Variants in HDDC2 observed in about 807,000 individuals in gnomAD.
HDDC2 encodes 5'-deoxynucleotidase HDDC2.
HDDC2 carries 25 observed loss-of-function variants against 25.5 expected under a neutral mutation model. The ratio of observed to expected loss-of-function variants is 0.98; its 90% CI spans 0.72 to 1.37. The LOEUF (loss-of-function observed/expected upper bound fraction) is 1.37. Among genes scored for constraint, HDDC2 ranks in the 40% most tolerant of loss-of-function variants. The pLI is 0.00. For missense variants in HDDC2, 264 were observed against 253.1 expected (o/e 1.04, Z -0.29); for synonymous variants, 106 against 89.7 (o/e 1.18, Z -1.03).
chr6:125,286,687 T>A (rs1400672476), intron 4 of HDDC2, among the ~76,000 whole-genome samples: 1 of 152,148 alleles, frequency 6.6e-6, no homozygotes, highest in Non-Finnish European at 1.5e-5. Flanking sequence ...CATTTTCTAT[T>A]TTAAAATAAA....
intron 3 of HDDC2, chr6:125,293,215 AG>A: frequency 2.3e-6 from 1 of 436,496 alleles, no homozygotes; most frequent in East Asian, 4.8e-5. Flanking sequence ...GAGGTGTTCA[AG>A]GATTTTACAT....
At chr6:125,300,851 G>A (rs1043016056) in intron 1 of HDDC2, among the ~76,000 whole-genome samples, 192 bp from the exon 2 acceptor site, 4 of 152,070 alleles carry the variant, frequency 2.6e-5, no homozygotes. Flanking sequence ...CTCAGAGAAT[G>A]AAAGGGGTAG....
chr6:125,299,170 G>A (rs572113629), intron 2 of HDDC2, among the ~76,000 whole-genome samples: 1 of 152,294 alleles, frequency 6.6e-6, no homozygotes, highest in East Asian at 1.9e-4. Flanking sequence ...GATCACCTGA[G>A]GTCAGGAGTT....
rs1486505303 is a variant in HDDC2 at position 125,275,459 on chromosome 6, C to T, written c.*687G>A. On this transcript the variant is annotated 3_prime_UTR_variant, in exon 6 of 6. Transcript: ENST00000398153. ...TATTTATATTTCTCACCTGATGATA[C>T]ATGCTTTTACAATAAAGGTCTCAAG... The T allele has an allele frequency of 6.6e-6, 1 of 152,180 alleles. No individual in the cohort carries two copies. Among genetic ancestry groups the T allele is most frequent in the Admixed American group, 6.5e-5 (1 of 15,284 alleles). The allele number at this position is 152,180 out of a possible 1,614,324, so 9.4% of individuals were successfully genotyped here.
chr6:125,276,985 T>C, intron 5 of HDDC2, 117 bp downstream of exon 5: 1 of 963,854 alleles, frequency 1.0e-6, no homozygotes, highest in South Asian at 1.6e-5. Context: ...TTTTAGATGC[T>C]CCACATGAAA....
intron 4 of HDDC2, 22 bp from the exon 5 acceptor site, chr6:125,277,262 G>A (rs2243388): frequency 0.051 from 82,955 of 1,612,250 alleles, 2,468 homozygotes; most frequent in Middle Eastern, 0.069. Context: ...GACAATTAAA[G>A]CAGCATGATT....
chr6:125,301,442 TACACACAC>T (rs3039619), intron 1 of HDDC2, among the ~76,000 whole-genome samples: 9 of 145,186 alleles, frequency 6.2e-5, no homozygotes, highest in African/African-American at 1.8e-4. Flanking sequence ...AGCCGCGCTT[TACACACAC>T]ACACACACAC....
intron 4 of HDDC2, among the ~76,000 whole-genome samples, chr6:125,287,484 CT>C (rs1210595536): frequency 2.0e-5 from 3 of 152,208 alleles, no homozygotes; most frequent in South Asian, 2.1e-4. Context: ...TATTTTATTT[CT>C]CAATAAAAGG....
At chr6:125,299,786 TTAA>T (rs1435256365) in intron 2 of HDDC2, among the ~76,000 whole-genome samples, 1 of 152,226 alleles carries the variant, frequency 6.6e-6, no homozygotes, top group Non-Finnish European at 1.5e-5. Context: ...GTCAAGTTGA[TTAA>T]TTTCTCATTT....
chr6:125,283,242 T>C (rs1181462124), intron 4 of HDDC2, among the ~76,000 whole-genome samples: 1 of 152,206 alleles, frequency 6.6e-6, no homozygotes, highest in Non-Finnish European at 1.5e-5. Context: ...ATCATTCCCT[T>C]TGAAAACCGG....
chr6:125,278,789 CAGT>C (rs1199049793), intron 4 of HDDC2: 1 of 152,014 alleles, frequency 6.6e-6, no homozygotes, highest in East Asian at 1.9e-4. Context: ...TGGTCTAAGA[CAGT>C]AGCAGTGAAA....
At chr6:125,292,990 G>C (rs777804755) in intron 3 of HDDC2, 81 bp from the exon 4 acceptor site, 4 of 1,103,110 alleles carry the variant, frequency 3.6e-6, no homozygotes, top group Admixed American at 1.7e-5. Context: ...AAATAGGTTC[G>C]GATTCTTACA....
At chr6:125,299,137 C>T (rs1366051716) in intron 2 of HDDC2, among the ~76,000 whole-genome samples, 1 of 152,198 alleles carries the variant, frequency 6.6e-6, no homozygotes, top group Non-Finnish European at 1.5e-5. Flanking sequence ...GTCATACCAG[C>T]ACTTTGGGAG....
At chr6:125,299,353 A>C (rs1798760342) in intron 2 of HDDC2, among the ~76,000 whole-genome samples, 1 of 152,202 alleles carries the variant, frequency 6.6e-6, no homozygotes, top group South Asian at 2.1e-4. Flanking sequence ...ACTGCACTCC[A>C]GCCTGGGCGA....
chr6:125,296,126 T>C (rs1798702750), intron 3 of HDDC2, among the ~76,000 whole-genome samples: 1 of 150,178 alleles, frequency 6.7e-6, no homozygotes, highest in African/African-American at 2.5e-5. Flanking sequence ...AAAAAAAAAT[T>C]AAAAAAAAAG....
chr6:125,301,247 G>A (rs73772436), intron 1 of HDDC2, among the ~76,000 whole-genome samples: 2,994 of 152,196 alleles, frequency 0.02, 86 homozygotes, highest in African/African-American at 0.066. Flanking sequence ...AATTTACTTT[G>A]AACTTGGGAG....
In HDDC2 at chr6:125,298,767, C is replaced by A; in HGVS notation, c.256G>T (p.Asp86Tyr). 1.2e-6 allele frequency: 2 copies of A among 1,614,088 alleles called. No individual in the cohort carries two copies. Among genetic ancestry groups the A allele is most frequent in the South Asian group, 2.2e-5 (2 of 91,080 alleles). ...VHDMAECIVG[D>Y]IAPADNIPKE... is the part of the protein sequence containing the mutation. Reference sequence around the variant, plus strand: ...GGGATGTTATCTGCTGGTGCTATGTCCCCAACGATGCATTCTGCCATATCA... The same window carrying A: ...GGGATGTTATCTGCTGGTGCTATGTACCCAACGATGCATTCTGCCATATCA... Residue 86 changes from aspartate (D) to tyrosine (Y), a missense_variant, in exon 3 of 6, where the codon GAC becomes TAC. Transcript: ENST00000398153.
intron 3 of HDDC2, among the ~76,000 whole-genome samples, chr6:125,297,751 C>T (rs889765313): frequency 6.6e-6 from 1 of 152,192 alleles, no homozygotes; most frequent in Non-Finnish European, 1.5e-5. Context: ...CTAGCAATAA[C>T]TCTTGAATTG....
Position 125,301,482 on chromosome 6 carries a change from G to GCACACACACGCGCGCACACACACA in HDDC2, c.84+366_84+367insTGTGTGTGTGCGCGCGTGTGTGTG, listed in dbSNP as rs1412473241. ...ACACACACGAGTTCTGGGGTCGTGA[G>GCACACACACGCGCGCACACACACA]CACACACACACACACACACACACAC... On this transcript the variant is annotated intron_variant, in intron 1 of 5. Coordinates refer to ENST00000398153, the MANE Select transcript of HDDC2 (RefSeq NM_016063.3). Among the ~76,000 whole-genome samples the GCACACACACGCGCGCACACACACA allele has an allele frequency of 4.9e-3, 587 of 120,406 alleles. 10 individuals are homozygous for GCACACACACGCGCGCACACACACA. Among genetic ancestry groups the GCACACACACGCGCGCACACACACA allele is most frequent in the African/African-American group, 0.018 (546 of 29,716 alleles). 79.0% of individuals were successfully genotyped at this position (120,406 alleles called of 152,430 possible). A position where few individuals can be genotyped will look rare whatever the true frequency, so the allele number is the denominator to read the frequency against.
Sources: gnomAD v4.1 joint callset for allele counts (sites outside exome capture counted in the v4.1 genomes callset) on GRCh38, gnomAD v4.1.1 for gene constraint, MANE v1.5 for transcripts, NCBI Gene and HGNC (gene_info 2026-07-23, HGNC 2026-07-21) for gene names.